ATXN7L1: variants seen among roughly 807,000 people sequenced by gnomAD.
ATXN7L1 encodes ataxin 7 like 1.
A neutral mutation model predicts 70.8 loss-of-function variants in ATXN7L1; 15 were observed. That is an observed-to-expected ratio of 0.21 (90% CI 0.14 to 0.33). ATXN7L1 has a LOEUF of 0.33. Ranked by LOEUF, ATXN7L1 falls within the 10% of genes least tolerant of loss-of-function variation. The pLI, the probability that ATXN7L1 is intolerant of heterozygous loss-of-function variation, is 1.00. For synonymous variants in ATXN7L1, 440 were observed against 445.1 expected, an observed-to-expected ratio of 0.99 and a Z score of 0.14; for missense variants, 975 against 1,097.1, an observed-to-expected ratio of 0.89 and a Z score of 1.57.
chr7:105,831,228 G>T (rs926879980), intron 2 of ATXN7L1, among the ~76,000 whole-genome samples: 2 of 152,190 alleles, frequency 1.3e-5, no homozygotes, highest in Non-Finnish European at 2.9e-5. Context: ...GTTACATGAA[G>T]AATTCTACTT....
At chr7:105,850,365 A>C (rs1420944502) in intron 2 of ATXN7L1, among the ~76,000 whole-genome samples, 1 of 152,176 alleles carries the variant, frequency 6.6e-6, no homozygotes, top group Admixed American at 6.5e-5. Context: ...GCTCATCCTG[A>C]AGGACACCCC....
At chr7:105,768,966 C>T (rs759636668) in intron 3 of ATXN7L1, among the ~76,000 whole-genome samples, 1 of 152,178 alleles carries the variant, frequency 6.6e-6, no homozygotes, top group Non-Finnish European at 1.5e-5. Flanking sequence ...CCTTTTCCCC[C>T]CCTGGGGTCT....
At position 105,643,101 on chromosome 7, in the gene ATXN7L1, C is replaced by T; in HGVS notation, c.599G>A (p.Ser200Asn). ...DKPCVPVPVV[S>N]LEKIPNLVKA... ...CACTAGGTTAGGAATTTTCTCTAAA[C>T]TGACTACAGGAACTGGAACACTGAA... The change falls in exon 5 of 12, where the codon AGT becomes AAT. Residue 200 changes from serine to asparagine, a missense_variant. Around this residue, in one of 5 missense-constraint regions of ATXN7L1, gnomAD observed 192 missense variants for 215.5 expected, o/e 0.89. Transcript: ENST00000419735. 6.5e-7 allele frequency: 1 copy of T among 1,533,450 alleles called. No individual in the cohort carries two copies. The highest frequency in any genetic ancestry group is 8.8e-7 in the Non-Finnish European group (1 of 1,135,766). 95.0% of individuals were successfully genotyped at this position (1,533,450 alleles called of 1,614,324 possible).
At chr7:105,763,691 T>A (rs1800844876) in intron 3 of ATXN7L1, among the ~76,000 whole-genome samples, 1 of 152,212 alleles carries the variant, frequency 6.6e-6, no homozygotes, top group African/African-American at 2.4e-5. Context: ...CAAAACTGGA[T>A]GAAGATGCAA....
chr7:105,738,696 C>A (rs1797683658), intron 3 of ATXN7L1, among the ~76,000 whole-genome samples: 3 of 152,208 alleles, frequency 2.0e-5, no homozygotes, highest in African/African-American at 7.2e-5. Flanking sequence ...CTGCTCTCAA[C>A]CCCTCTGCAC....
intron 2 of ATXN7L1, among the ~76,000 whole-genome samples, chr7:105,833,289 G>T (rs190930266): frequency 6.6e-6 from 1 of 152,170 alleles, no homozygotes; most frequent in African/African-American, 2.4e-5. Context: ...TCTCCCTGCT[G>T]CATTATCTTT....
At chr7:105,658,604 C>T (rs1452117996) in intron 4 of ATXN7L1, among the ~76,000 whole-genome samples, 5 of 144,056 alleles carry the variant, frequency 3.5e-5, no homozygotes, top group East Asian at 2.0e-4. Context: ...GATCTTGGCT[C>T]GCCGCAACCT....
At chr7:105,731,183 A>G (rs960938383) in intron 3 of ATXN7L1, among the ~76,000 whole-genome samples, 3 of 152,206 alleles carry the variant, frequency 2.0e-5, no homozygotes, top group African/African-American at 4.8e-5. Context: ...TATTAGGTGT[A>G]TATGACACAT....
At chr7:105,794,491 T>G (rs1805707469) in intron 2 of ATXN7L1, among the ~76,000 whole-genome samples, 1 of 152,180 alleles carries the variant, frequency 6.6e-6, no homozygotes. Flanking sequence ...GTTAAAACAT[T>G]TACACCAGCA....
At chr7:105,703,821 T>C (rs1792791036) in intron 3 of ATXN7L1, among the ~76,000 whole-genome samples, 3 of 152,168 alleles carry the variant, frequency 2.0e-5, no homozygotes, top group Admixed American at 1.3e-4. Context: ...AGGGCGAACC[T>C]TTCGTGTCAG....
At chr7:105,747,888 A>AG (rs11410763) in intron 3 of ATXN7L1, among the ~76,000 whole-genome samples, 108,176 of 151,990 alleles carry the variant, frequency 0.71, 40,065 homozygotes, top group East Asian at 1. Flanking sequence ...TGGGAGGCTG[A>AG]GTGGGCGGAT....
chr7:105,621,736 C>G (rs1004924620), intron 8 of ATXN7L1, among the ~76,000 whole-genome samples: 3 of 152,210 alleles, frequency 2.0e-5, no homozygotes, highest in Admixed American at 6.5e-5. Flanking sequence ...CAGCTCTCCC[C>G]CTTCCTCCAG....
chr7:105,620,228 C>A lies in ATXN7L1; in HGVS notation c.1489G>T (p.Glu497Ter). The A allele has an allele frequency of 6.4e-7, 1 of 1,551,494 alleles. No homozygotes were observed. The highest frequency in any genetic ancestry group is 1.2e-5 in the South Asian group (1 of 84,060). Residue 497 changes from glutamate to a stop codon, truncating the protein, a stop_gained, in exon 9 of 12, where the codon GAA becomes TAA. Coordinates refer to ENST00000419735, the MANE Select transcript of ATXN7L1 (RefSeq NM_020725.2). LOFTEE classifies it high-confidence loss of function. ...CACATCTGTGAATTCAGGTGTTTTTCTACCATGGAGTTTAGTGCGAATCGA... is the reference window on the plus strand; with the variant it reads ...CACATCTGTGAATTCAGGTGTTTTTATACCATGGAGTTTAGTGCGAATCGA... Reference protein sequence around the residue: ...RFRFALNSMVEKHLNSQMWKK... With the variant: ...RFRFALNSMV
At chr7:105,765,895 A>C (rs1459547039) in intron 3 of ATXN7L1, among the ~76,000 whole-genome samples, 1 of 152,082 alleles carries the variant, frequency 6.6e-6, no homozygotes, top group Non-Finnish European at 1.5e-5. Flanking sequence ...ATACTATCAG[A>C]GTAGATGACT....
At chr7:105,865,547 A>G (rs962288285) in intron 2 of ATXN7L1, among the ~76,000 whole-genome samples, 61 of 152,132 alleles carry the variant, frequency 4.0e-4, no homozygotes, top group African/African-American at 1.4e-3. Context: ...GACTACAGGC[A>G]CGTGCCACCA....
At position 105,778,525 on chromosome 7, in the gene ATXN7L1, A is replaced by AAAAC. The variant is rs1554460015; in HGVS notation, c.355+10078_355+10079insGTTT. Among the ~76,000 whole-genome samples, 102 of 108,404 alleles carry AAAAC rather than the reference A, an allele frequency of 9.4e-4. 2 individuals are homozygous for AAAAC. The highest frequency in any genetic ancestry group is 2.8e-3 in the African/African-American group (95 of 34,046). The allele number at this position is 108,404 out of a possible 152,430, so 71.1% of individuals were successfully genotyped here. On this transcript the variant is annotated intron_variant, in intron 3 of 11. Transcript: ENST00000419735. The stretch of plus-strand genomic sequence containing the variant: ...GACCCTATCTCAAAAAAAAAAAAAA[A>AAAAC]AAAAAAAAAACAAAGACTAAATAAT...
At chr7:105,624,573 C>A (rs1209528443) in intron 7 of ATXN7L1, among the ~76,000 whole-genome samples, 1 of 144,610 alleles carries the variant, frequency 6.9e-6, no homozygotes, top group Non-Finnish European at 1.5e-5. Flanking sequence ...TTGCTTGAAC[C>A]CGGGAGGTGG....
intron 2 of ATXN7L1, among the ~76,000 whole-genome samples, chr7:105,851,639 T>C (rs1814897501): frequency 6.6e-6 from 1 of 152,134 alleles, no homozygotes; most frequent in Admixed American, 6.5e-5. Context: ...CCCCCTCCCA[T>C]GTGGCTCACC....
At chr7:105,621,676 G>A (rs1474747079) in intron 8 of ATXN7L1, among the ~76,000 whole-genome samples, 1 of 152,178 alleles carries the variant, frequency 6.6e-6, no homozygotes, top group Non-Finnish European at 1.5e-5. Context: ...GGTGACATTT[G>A]GCTGGTTTAG....
Sources: gnomAD v4.1 joint callset for allele counts (sites outside exome capture counted in the v4.1 genomes callset) on GRCh38, gnomAD v4.1.1 for gene constraint, gnomAD v4.1.1 regional missense constraint, MANE v1.5 for transcripts, NCBI Gene and HGNC (gene_info 2026-07-23, HGNC 2026-07-21) for gene names.